The following PDLIM3 variants were observed in gnomAD, a reference collection of about 807,000 sequenced individuals.
PDLIM3 encodes PDZ and LIM domain protein 3.
Under a neutral mutation model 37.3 loss-of-function variants are expected in PDLIM3, and 36 were observed. That is an observed-to-expected ratio of 0.97 (90% CI 0.74 to 1.28). PDLIM3 has a LOEUF of 1.28. Among genes scored for constraint, PDLIM3 ranks in the 50% most tolerant of loss-of-function variants. The probability of loss-of-function intolerance (pLI) is 0.00; values close to 1 mark genes in which losing one functional copy is unlikely to be tolerated. For synonymous variants in PDLIM3, 174 were observed against 182.4 expected (o/e 0.95, Z 0.37); for missense variants, 454 against 485.0 (o/e 0.94, Z 0.60).
intron 3 of PDLIM3, chr4:185,517,861 C>T (rs1186806394): frequency 5.9e-5 from 9 of 152,190 alleles, no homozygotes; most frequent in African/African-American, 2.2e-4. Flanking sequence ...TTAAGTGGGG[C>T]ACTGAGGGGC....
At chr4:185,507,130 T>C (rs1362030459) in intron 5 of PDLIM3, 1 of 155,660 alleles carries the variant, frequency 6.4e-6, no homozygotes, top group African/African-American at 2.4e-5. Context: ...TGGTTTAATA[T>C]GTTTTTAGTT....
At chr4:185,524,331 C>G (rs2095728961) in intron 2 of PDLIM3, among the ~76,000 whole-genome samples, 1 of 152,160 alleles carries the variant, frequency 6.6e-6, no homozygotes, top group Non-Finnish European at 1.5e-5. Context: ...CCTTCTGTAC[C>G]ACAGCACGGA....
At chr4:185,530,913 G>A (rs145835565) in intron 1 of PDLIM3, among the ~76,000 whole-genome samples, 1 of 151,866 alleles carries the variant, frequency 6.6e-6, no homozygotes, top group East Asian at 1.9e-4. Context: ...CAAAGTGCAA[G>A]AGCGCTGTGC....
chr4:185,505,169 T>C (rs2095694602), intron 6 of PDLIM3, among the ~76,000 whole-genome samples: 1 of 152,242 alleles, frequency 6.6e-6, no homozygotes, highest in Admixed American at 6.5e-5. Flanking sequence ...CTTCACATAA[T>C]GTTTGCAAAG....
At chr4:185,523,615 TCCC>T (rs11362426) in intron 2 of PDLIM3, among the ~76,000 whole-genome samples, 169 bp from the exon 3 acceptor site, 1 of 145,750 alleles carries the variant, frequency 6.9e-6, no homozygotes, top group African/African-American at 2.6e-5. Context: ...TAATTAGTCT[TCCC>T]CCCCCCTTTT....
At chr4:185,534,313 T>G (rs896764088) in intron 1 of PDLIM3, among the ~76,000 whole-genome samples, 5 of 152,118 alleles carry the variant, frequency 3.3e-5, no homozygotes, top group Admixed American at 1.3e-4. Context: ...ACACATACAA[T>G]TATAAAATAT....
intron 1 of PDLIM3, among the ~76,000 whole-genome samples, chr4:185,527,936 C>G (rs764327247): frequency 2.0e-5 from 3 of 152,084 alleles, no homozygotes; most frequent in Non-Finnish European, 4.4e-5. Context: ...CACCTGTAGT[C>G]CCAGCTGCTC....
At chr4:185,526,492 G>T (rs1230210853) in intron 1 of PDLIM3, among the ~76,000 whole-genome samples, 3 of 152,090 alleles carry the variant, frequency 2.0e-5, no homozygotes, top group Non-Finnish European at 4.4e-5. Flanking sequence ...TACAGAATAT[G>T]GGAAAAATAT....
chr4:185,510,343 G>T (rs2095704553), intron 4 of PDLIM3, among the ~76,000 whole-genome samples: 1 of 152,066 alleles, frequency 6.6e-6, no homozygotes, highest in South Asian at 2.1e-4. Flanking sequence ...GCCCGTACTG[G>T]GTAGATAAAC....
intron 7 of PDLIM3, among the ~76,000 whole-genome samples, chr4:185,503,428 G>C (rs1018100744): frequency 3.3e-5 from 5 of 152,270 alleles, no homozygotes; most frequent in Admixed American, 2.6e-4. Flanking sequence ...GCCCTGCTTT[G>C]ACCTTTTGGT....
In PDLIM3 at chr4:185,508,219, A is replaced by G; in HGVS notation, c.662+80T>C. 3 of 1,327,740 alleles carry G rather than the reference A, an allele frequency of 2.3e-6. No homozygotes were observed. In the Admixed American group the frequency reaches 5.0e-5, roughly 22 times the overall value. The allele number at this position is 1,327,740 out of a possible 1,614,324, so 82.2% of individuals were successfully genotyped here. On this transcript the variant is annotated intron_variant, in intron 5 of 7. Transcript: ENST00000284767. ...CACATAGCTTTCTTTCCATTAAGACAATGTTAAAAGACACCAGTAAAGCTG... is the reference window on the plus strand; with the variant it reads ...CACATAGCTTTCTTTCCATTAAGACGATGTTAAAAGACACCAGTAAAGCTG...
At position 185,502,295 on chromosome 4, in the gene PDLIM3, T is replaced by C; in HGVS notation, c.1094A>G (p.Ter365=). ...CGTGCGTGCCACGCCTGCAGAGACT[T>C]AAGCTTTGGGATACAGAGTGACCGT... ...YDTVTLYPKA[*] is the part of the protein sequence containing the mutation. Residue 365 remains the stop codon, a stop_retained_variant, in exon 8 of 8, where the codon TAA becomes TGA. Transcript: ENST00000284767. 1 of 1,614,214 alleles carries C rather than the reference T, an allele frequency of 6.2e-7. No homozygotes were observed. The highest frequency in any genetic ancestry group is 8.5e-7 in the Non-Finnish European group (1 of 1,180,032).
At position 185,535,379 on chromosome 4, in the gene PDLIM3, C is replaced by A; in HGVS notation, c.56G>T (p.Gly19Val). The change falls in exon 1 of 8, where the codon GGG becomes GTG. Residue 19 changes from glycine (G) to valine (V), a missense_variant. Gly to Val is a moderately radical substitution (Grantham distance 109). Transcript: ENST00000284767. ...GPAPWGFRLS[G>V]GIDFNQPLVI... ...CAAAGGCTGGTTGAAGTCTATGCCC[C>A]CTGAGAGCCTGAAGCCCCAGGGCGC... The A allele has an allele frequency of 6.2e-7, 1 of 1,608,446 alleles. No individual in the cohort carries two copies. Among genetic ancestry groups the A allele is most frequent in the South Asian group, 1.1e-5 (1 of 90,036 alleles).
chr4:185,519,569 G>C (rs576765640), intron 3 of PDLIM3, among the ~76,000 whole-genome samples: 2 of 152,250 alleles, frequency 1.3e-5, no homozygotes, highest in Non-Finnish European at 2.9e-5. Context: ...CTACAGGCGT[G>C]AGCCACCATG....
chr4:185,521,451 C>T lies in PDLIM3; in HGVS notation c.330+1911G>A, dbSNP rs1439220594. On this transcript the variant is annotated intron_variant, in intron 3 of 7. Coordinates refer to ENST00000284767, the MANE Select transcript of PDLIM3 (RefSeq NM_014476.6). ...TTGCTCTGTCACCCAAGCTGGAGTGCAGTGGTGCAATCACAGCTCACTGCA... is the reference window on the plus strand; with the variant it reads ...TTGCTCTGTCACCCAAGCTGGAGTGTAGTGGTGCAATCACAGCTCACTGCA... Among the ~76,000 whole-genome samples the T allele has an allele frequency of 3.5e-5, 2 of 57,684 alleles. 1 individual carries two copies. The highest frequency in any genetic ancestry group is 1.4e-4 in the Non-Finnish European group (2 of 14,064). The allele number at this position is 57,684 out of a possible 152,430, so 37.8% of individuals were successfully genotyped here.
At chr4:185,509,532 TAAC>T (rs1460293554) in intron 4 of PDLIM3, among the ~76,000 whole-genome samples, 36 of 152,144 alleles carry the variant, frequency 2.4e-4, no homozygotes, top group African/African-American at 8.5e-4. Flanking sequence ...AGGGGTCAGT[TAAC>T]AACTGACATG....
At position 185,501,118 on chromosome 4, in the gene PDLIM3, C is replaced by G; in HGVS notation, c.*1176G>C. On this transcript the variant is annotated 3_prime_UTR_variant, in exon 8 of 8. Transcript: ENST00000284767. The stretch of plus-strand genomic sequence containing the variant: ...GCACCCTGGGTGAGAGGCAAGGTAA[C>G]GCCATGCAGAGCCTGCAAGGTAGGC... 1 of 152,282 alleles carries G rather than the reference C, an allele frequency of 6.6e-6. No homozygotes were observed. The highest frequency in any genetic ancestry group is 2.4e-5 in the African/African-American group (1 of 41,526). The allele number at this position is 152,282 out of a possible 1,614,324, so 9.4% of individuals were successfully genotyped here. A position where few individuals can be genotyped will look rare whatever the true frequency, so the allele number is the denominator to read the frequency against.
intron 6 of PDLIM3, 67 bp downstream of exon 6, chr4:185,506,455 C>A: frequency 1.3e-6 from 2 of 1,595,642 alleles, no homozygotes; most frequent in South Asian, 1.1e-5. Flanking sequence ...TGTTTGCTGT[C>A]GTCCCCGTCC....
intron 2 of PDLIM3, among the ~76,000 whole-genome samples, chr4:185,524,775 C>A (rs1580261125): frequency 1.3e-5 from 2 of 152,244 alleles, no homozygotes; most frequent in Middle Eastern, 3.4e-3. Context: ...CGGGTTATTA[C>A]TGGAACAAAT....
Sources: allele counts gnomAD v4.1 joint callset (sites outside exome capture counted in the v4.1 genomes callset), GRCh38; gene constraint gnomAD v4.1.1; transcripts MANE v1.5; gene names NCBI Gene and HGNC (gene_info 2026-07-23, HGNC 2026-07-21).